TMEM132C: variants seen among roughly 807,000 people sequenced by gnomAD.
TMEM132C encodes protein phosphatase 1, regulatory subunit 152.
In TMEM132C, 29 loss-of-function variants were observed where a neutral mutation model predicts 61.4. The ratio of observed to expected loss-of-function variants is 0.47; its 90% CI spans 0.35 to 0.64. TMEM132C has a LOEUF of 0.64. Among genes scored for constraint, TMEM132C ranks in the 30% least tolerant of loss-of-function variants. The pLI is 0.00. For synonymous variants in TMEM132C, 656 were observed against 633.1 expected, an observed-to-expected ratio of 1.04 and a Z score of -0.54; for missense variants, 1,408 against 1,476.9, an observed-to-expected ratio of 0.95 and a Z score of 0.76.
chr12:128,567,352 G>A (rs542088775), intron 3 of TMEM132C, among the ~76,000 whole-genome samples: 26 of 151,870 alleles, frequency 1.7e-4, no homozygotes, highest in African/African-American at 6.0e-4. Context: ...TATGTCACCC[G>A]ATGACTGTAG....
At chr12:128,667,489 G>A (rs1443825584) in intron 4 of TMEM132C, among the ~76,000 whole-genome samples, 1 of 152,206 alleles carries the variant, frequency 6.6e-6, no homozygotes, top group Admixed American at 6.5e-5. Context: ...AGACACAGCC[G>A]AGGGTGGTAA....
chr12:128,675,378 C>G (rs1395313537), intron 5 of TMEM132C, among the ~76,000 whole-genome samples: 1 of 152,180 alleles, frequency 6.6e-6, no homozygotes, highest in Non-Finnish European at 1.5e-5. Context: ...GGCCACCTGC[C>G]TGAGGTCACG....
chr12:128,678,227 G>C (rs1217908051), intron 5 of TMEM132C, among the ~76,000 whole-genome samples: 1 of 152,152 alleles, frequency 6.6e-6, no homozygotes, highest in Admixed American at 6.5e-5. Flanking sequence ...GAGCCATTTG[G>C]TGGTTCTCAG....
At chr12:128,665,040 CATACAT>C (rs906125371) in intron 4 of TMEM132C, among the ~76,000 whole-genome samples, 18 of 150,890 alleles carry the variant, frequency 1.2e-4, no homozygotes, top group East Asian at 2.0e-4. Context: ...AACTCACACT[CATACAT>C]ATACACACAT....
At chr12:128,425,154 C>T (rs867380517) in intron 2 of TMEM132C, among the ~76,000 whole-genome samples, 9 of 143,082 alleles carry the variant, frequency 6.3e-5, no homozygotes, top group Admixed American at 1.4e-4. Flanking sequence ...TCTCCATTAG[C>T]CAGGCCCTCA....
At chr12:128,582,422 T>C (rs1160527712) in intron 3 of TMEM132C, among the ~76,000 whole-genome samples, 1 of 151,670 alleles carries the variant, frequency 6.6e-6, no homozygotes. Flanking sequence ...TGCTTTTTTT[T>C]TTTTTTTTTT....
At chr12:128,643,231 T>G (rs775780483) in intron 4 of TMEM132C, among the ~76,000 whole-genome samples, 4 of 152,154 alleles carry the variant, frequency 2.6e-5, no homozygotes, top group Admixed American at 6.5e-5. Context: ...TTCTCAAAAT[T>G]AAATCTGCAA....
chr12:128,504,427 T>C (rs1326321538), intron 2 of TMEM132C, among the ~76,000 whole-genome samples: 3 of 152,148 alleles, frequency 2.0e-5, no homozygotes, highest in Non-Finnish European at 4.4e-5. Context: ...CTTTGGAAAA[T>C]ACAGTTTGCT....
At chr12:128,300,376 A>G (rs1233633550) in intron 1 of TMEM132C, among the ~76,000 whole-genome samples, 1 of 152,130 alleles carries the variant, frequency 6.6e-6, no homozygotes. Flanking sequence ...CCTGAAAAGC[A>G]GAGTTCATGG....
chr12:128,522,579 T>C (rs1471931626), intron 2 of TMEM132C, among the ~76,000 whole-genome samples: 1 of 152,224 alleles, frequency 6.6e-6, no homozygotes, highest in Admixed American at 6.5e-5. Context: ...TTCCCACATT[T>C]ACGTGGCGAT....
chr12:128,647,748 C>T (rs1273063699), intron 4 of TMEM132C, among the ~76,000 whole-genome samples: 2 of 149,964 alleles, frequency 1.3e-5, no homozygotes, highest in Admixed American at 6.6e-5. Context: ...TAGATCCCAT[C>T]AGCGTTGGAT....
chr12:128,442,643 C>T (rs1390146685), intron 2 of TMEM132C, among the ~76,000 whole-genome samples: 3 of 151,016 alleles, frequency 2.0e-5, no homozygotes, highest in East Asian at 3.9e-4. Context: ...ATGCAATTCA[C>T]GATCCTGGAT....
intron 2 of TMEM132C, among the ~76,000 whole-genome samples, chr12:128,536,411 G>T (rs1873529535): frequency 6.6e-6 from 1 of 152,098 alleles, no homozygotes. Flanking sequence ...GGCTGGGGGA[G>T]GGATAGCATT....
chr12:128,624,074 CA>C (rs1225931626), intron 4 of TMEM132C, among the ~76,000 whole-genome samples: 1 of 152,078 alleles, frequency 6.6e-6, no homozygotes, highest in Non-Finnish European at 1.5e-5. Flanking sequence ...TTGCCATTTC[CA>C]AAAACCACTG....
intron 2 of TMEM132C, among the ~76,000 whole-genome samples, chr12:128,445,919 C>A (rs920270350): frequency 3.3e-5 from 5 of 152,124 alleles, no homozygotes; most frequent in African/African-American, 4.8e-5. Context: ...CACCAGAGAA[C>A]CACAATAATT....
rs1954829359 is a variant in TMEM132C at position 128,705,330 on chromosome 12, C to T, written c.2362C>T (p.Leu788=). 6.4e-7 allele frequency: 1 copy of T among 1,551,318 alleles called. No homozygotes were observed. Among genetic ancestry groups the T allele is most frequent in the Non-Finnish European group, 8.7e-7 (1 of 1,146,836 alleles). Residue 788 remains leucine, a synonymous_variant, in exon 9 of 9, where the codon CTG becomes TTG. Coordinates refer to ENST00000435159, the MANE Select transcript of TMEM132C (RefSeq NM_001136103.3). The part of the protein sequence containing the change: ...ACQKSKRKSI[L]AVGVGNVRVK... ...CCAGAAATCTAAACGCAAGAGCATC[C>T]TGGCTGTGGGCGTCGGCAACGTCAG...
At chr12:128,368,639 A>G (rs1873940703) in intron 1 of TMEM132C, among the ~76,000 whole-genome samples, 1 of 152,142 alleles carries the variant, frequency 6.6e-6, no homozygotes, top group East Asian at 1.9e-4. Context: ...TGAAGAAGAA[A>G]TTTCACTTCT....
At chr12:128,375,008 G>A (rs1266030248) in intron 1 of TMEM132C, among the ~76,000 whole-genome samples, 2 of 119,124 alleles carry the variant, frequency 1.7e-5, no homozygotes, top group Non-Finnish European at 3.2e-5. Flanking sequence ...AGCACCATTC[G>A]CTCTTGGCCA....
intron 2 of TMEM132C, among the ~76,000 whole-genome samples, chr12:128,453,682 C>G (rs1438690978): frequency 6.6e-6 from 1 of 152,136 alleles, no homozygotes; most frequent in Non-Finnish European, 1.5e-5. Context: ...GAGCTGGGAG[C>G]AAACCAGCGC....
Sources: allele counts gnomAD v4.1 joint callset (sites outside exome capture counted in the v4.1 genomes callset), GRCh38; gene constraint gnomAD v4.1.1; transcripts MANE v1.5; gene names NCBI Gene and HGNC (gene_info 2026-07-23, HGNC 2026-07-21).